The following FABP6 variants were observed in gnomAD, a reference collection of about 807,000 sequenced individuals.
The protein encoded by FABP6 is fatty acid binding protein 6.
FABP6 carries 13 observed loss-of-function variants against 14.9 expected under a neutral mutation model. That is an observed-to-expected ratio of 0.87 (90% CI 0.57 to 1.39). The LOEUF (loss-of-function observed/expected upper bound fraction) is 1.39. Among genes scored for constraint, FABP6 ranks in the 40% most tolerant of loss-of-function variants. The probability of loss-of-function intolerance (pLI) is 0.00; values close to 1 mark genes in which losing one functional copy is unlikely to be tolerated. For missense variants in FABP6, 161 were observed against 167.2 expected (o/e 0.96, Z 0.20); for synonymous variants, 75 against 63.6 (o/e 1.18, Z -0.85).
At position 160,190,483 on chromosome 5, in the gene FABP6, T is replaced by C. The variant is rs554203223; in HGVS notation, c.-59+3029T>C. On this transcript the variant is annotated intron_variant, in intron 1 of 6. Coordinates refer to the FABP6 transcript ENST00000393980. Reference sequence around the variant, plus strand: ...CCGACCTCAGGCGATCTGCCCACCTTGGCCTCCCAAAGTGCTGGGATTACA... The same window carrying C: ...CCGACCTCAGGCGATCTGCCCACCTCGGCCTCCCAAAGTGCTGGGATTACA... Among the ~76,000 whole-genome samples, 6 of 152,286 alleles carry C rather than the reference T, an allele frequency of 3.9e-5. No homozygotes were observed. In the South Asian group the frequency reaches 1.2e-3, roughly 32 times the overall value.
At chr5:160,195,199 T>C (rs1759484526) in intron 1 of FABP6, among the ~76,000 whole-genome samples, 1 of 144,120 alleles carries the variant, frequency 6.9e-6, no homozygotes, top group Non-Finnish European at 1.5e-5. Context: ...GCCGGAGAAT[T>C]GCTTGAACCT....
intron 1 of FABP6, chr5:160,198,406 T>G (rs1759560712): frequency 6.6e-6 from 1 of 152,414 alleles, no homozygotes; most frequent in Non-Finnish European, 1.5e-5. Flanking sequence ...AGCCGCCACC[T>G]CTTTGTTTCT....
intron 3 of FABP6, chr5:160,213,845 G>GCC: frequency 1.3e-6 from 2 of 1,572,086 alleles, no homozygotes; most frequent in South Asian, 1.1e-5. Flanking sequence ...AGGGAGGGAA[G>GCC]GGTTCCTGAC....
chr5:160,202,980 C>A (rs1018572367), intron 2 of FABP6, among the ~76,000 whole-genome samples: 2 of 150,634 alleles, frequency 1.3e-5, no homozygotes, highest in Non-Finnish European at 3.0e-5. Context: ...CAGCTCACTG[C>A]AACCTCTGCC....
intron 3 of FABP6, among the ~76,000 whole-genome samples, chr5:160,217,450 G>T (rs1760035472): frequency 6.6e-6 from 1 of 152,148 alleles, no homozygotes; most frequent in South Asian, 2.1e-4. Flanking sequence ...TGAGGGAAAT[G>T]ATTAACACTG....
intron 2 of FABP6, among the ~76,000 whole-genome samples, chr5:160,207,346 T>C (rs748340135): frequency 6.6e-6 from 1 of 152,236 alleles, no homozygotes; most frequent in Non-Finnish European, 1.5e-5. Context: ...ATTAAATGGA[T>C]AACCAAGACA....
intron 2 of FABP6, among the ~76,000 whole-genome samples, chr5:160,204,092 CTG>C (rs1759705438): frequency 6.7e-6 from 1 of 149,438 alleles, no homozygotes. Context: ...TGAGCCGAGA[CTG>C]TGCCACCACA....
In FABP6 at chr5:160,204,708, C is replaced by T. The variant is rs191385312; in HGVS notation, c.51+5551C>T. 664 of 152,396 alleles carry T rather than the reference C, an allele frequency of 4.4e-3. 4 individuals are homozygous for T. Among genetic ancestry groups the T allele is most frequent in the Non-Finnish European group, 5.7e-3 (391 of 68,118 alleles). 9.4% of individuals were successfully genotyped at this position (152,396 alleles called of 1,614,324 possible). ...GTTTCGCCATATTGGGCAGGCTGGT[C>T]TCGAACTCCTTACCTCAGGTGATCC... On this transcript the variant is annotated intron_variant, in intron 2 of 6. Coordinates refer to the FABP6 transcript ENST00000393980.
intron 1 of FABP6, among the ~76,000 whole-genome samples, chr5:160,231,088 C>T (rs547465311): frequency 2.6e-5 from 4 of 152,314 alleles, no homozygotes; most frequent in African/African-American, 9.6e-5. Flanking sequence ...GGGACCCGTG[C>T]CCTCCCTCTT....
intron 3 of FABP6, among the ~76,000 whole-genome samples, chr5:160,223,350 CTT>C: frequency 2.1e-5 from 2 of 93,086 alleles, no homozygotes; most frequent in Non-Finnish European, 4.1e-5. Flanking sequence ...TCCTTCCTTC[CTT>C]CCTTCCTTCT....
chr5:160,227,818 A>ATGTGTGTGTGTGTGTGTGTGTG (rs776387001), upstream of FABP6, among the ~76,000 whole-genome samples: 1 of 130,778 alleles, frequency 7.6e-6, no homozygotes, highest in African/African-American at 2.9e-5. Flanking sequence ...AAAATCCATG[A>ATGTGTGTGTGTGTGTGTGTGTG]CGTGTGTGTG....
intron 1 of FABP6, among the ~76,000 whole-genome samples, chr5:160,229,902 C>G (rs1047022357): frequency 6.7e-6 from 1 of 149,106 alleles, no homozygotes; most frequent in Non-Finnish European, 1.5e-5. Context: ...GAGACAGAGT[C>G]TCACTCTGTC....
intron 2 of FABP6, among the ~76,000 whole-genome samples, chr5:160,210,747 C>T (rs1759870143): frequency 6.6e-6 from 1 of 152,182 alleles, no homozygotes; most frequent in African/African-American, 2.4e-5. Flanking sequence ...TACTTTTCTC[C>T]TGCTTATGAG....
chr5:160,230,996 A>G lies in FABP6; in HGVS notation c.68-1102A>G, dbSNP rs561857949. ...AGGAACCAATGAGACAGTGGATCTG[A>G]CAATCTTGTGGAAATCTCAGTATCT... On this transcript the variant is annotated intron_variant, in intron 1 of 3. Coordinates refer to ENST00000402432, the MANE Select transcript of FABP6 (RefSeq NM_001445.3). 2.0e-5 allele frequency among the ~76,000 whole-genome samples: 3 copies of G among 152,218 alleles called. No homozygotes were observed. The East Asian group carries it at 5.8e-4, about 29-fold the overall frequency.
upstream of FABP6, among the ~76,000 whole-genome samples, chr5:160,225,477 C>T (rs1213777446): frequency 6.7e-6 from 1 of 149,298 alleles, no homozygotes; most frequent in Non-Finnish European, 1.5e-5. Context: ...TCTCGGCTCA[C>T]TGCAACTTTT....
Position 160,238,673 on chromosome 5 carries a change from G to A in FABP6, c.*14G>A, listed in dbSNP as rs772248590. 2.5e-6 allele frequency: 4 copies of A among 1,613,344 alleles called. No individual in the cohort carries two copies. Among genetic ancestry groups the A allele is most frequent in the Non-Finnish European group, 3.4e-6 (4 of 1,179,374 alleles). On this transcript the variant is annotated 3_prime_UTR_variant, in exon 4 of 4. Transcript: ENST00000402432. The stretch of plus-strand genomic sequence containing the variant: ...AGACTGGCCTAAGCAGCCAGGCCCG[G>A]CCCAGGGAGCTACAAACCCACCAAT...
chr5:160,216,492 T>C (rs573510158), intron 3 of FABP6, among the ~76,000 whole-genome samples: 13 of 152,172 alleles, frequency 8.5e-5, no homozygotes, highest in African/African-American at 3.1e-4. Flanking sequence ...GGTCTCGAAC[T>C]CCTGACCTCG....
upstream of FABP6, chr5:160,228,366 G>A (rs1760296464): frequency 2.2e-6 from 1 of 452,836 alleles, no homozygotes; most frequent in East Asian, 7.0e-5. Flanking sequence ...ACTCCAGCCT[G>A]GGAAACAAGA....
At chr5:160,210,235 G>C (rs1759858893) in intron 2 of FABP6, among the ~76,000 whole-genome samples, 1 of 152,246 alleles carries the variant, frequency 6.6e-6, no homozygotes, top group African/African-American at 2.4e-5. Context: ...TATGGGCTCT[G>C]TTCCTAGTTC....
Sources: allele counts gnomAD v4.1 joint callset (sites outside exome capture counted in the v4.1 genomes callset), GRCh38; gene constraint gnomAD v4.1.1; transcripts MANE v1.5; gene names NCBI Gene and HGNC (gene_info 2026-07-23, HGNC 2026-07-21).